ZNF676: variants seen among roughly 807,000 people sequenced by gnomAD.
The protein encoded by ZNF676 is zinc finger protein 676.
A neutral mutation model predicts 6.0 loss-of-function variants in ZNF676; 4 were observed. The ratio of observed to expected loss-of-function variants is 0.67; its 90% CI spans 0.33 to 1.53. The LOEUF is 1.53. ZNF676 is among the 40% of genes most tolerant of loss of function. The pLI, the probability that ZNF676 is intolerant of heterozygous loss-of-function variation, is 0.06. For missense variants in ZNF676, 644 were observed against 679.7 expected, an observed-to-expected ratio of 0.95 and a Z score of 0.58; for synonymous variants, 198 against 223.1, an observed-to-expected ratio of 0.89 and a Z score of 1.00.
At position 22,180,076 on chromosome 19, in the gene ZNF676, G is replaced by A; in HGVS notation, c.1641C>T (p.Ser547=). ...ECGKAFSRSS[S]LTRHKRIHTG... Reference sequence around the variant, plus strand: ...TATGAATTCTCTTGTGTCTAGTAAGGCTTGAGGATCTGCTGAAGGCTTTGC... The same window carrying A: ...TATGAATTCTCTTGTGTCTAGTAAGACTTGAGGATCTGCTGAAGGCTTTGC... The change falls in exon 3 of 3, where the codon AGC becomes AGT. Residue 547 remains serine, a synonymous_variant. Coordinates refer to ENST00000397121, the MANE Select transcript of ZNF676 (RefSeq NM_001001411.3). The A allele has an allele frequency of 6.2e-7, 1 of 1,613,568 alleles. No individual in the cohort carries two copies. The highest frequency in any genetic ancestry group is 8.5e-7 in the Non-Finnish European group (1 of 1,179,772).
At chr19:22,242,007 C>T in the ZNF676 span, among the ~76,000 whole-genome samples, 58 of 151,882 alleles carry the variant, frequency 3.8e-4, no homozygotes, top group Non-Finnish European at 6.3e-4. Context: ...CTCTCTGTAT[C>T]ACCTGAGGGC....
At chr19:22,191,888 G>A (rs2023912194) in intron 2 of ZNF676, among the ~76,000 whole-genome samples, 1 of 152,110 alleles carries the variant, frequency 6.6e-6, no homozygotes, top group Admixed American at 6.6e-5. Context: ...ATTTTAAGAG[G>A]TGTTTACTCC....
upstream of ZNF676, among the ~76,000 whole-genome samples, chr19:22,220,686 A>G (rs556624026): frequency 2.0e-5 from 3 of 151,998 alleles, no homozygotes; most frequent in South Asian, 6.2e-4. Flanking sequence ...CAAACACCTG[A>G]CCTCAAGTGA....
At position 22,180,543 on chromosome 19, in the gene ZNF676, G is replaced by T; in HGVS notation, c.1174C>A (p.Pro392Thr). 1 of 1,612,344 alleles carries T rather than the reference G, an allele frequency of 6.2e-7. No individual in the cohort carries two copies. Among genetic ancestry groups the T allele is most frequent in the Non-Finnish European group, 8.5e-7 (1 of 1,179,744 alleles). ...TTGCCACATTCTTCACATTTGTAGG[G>T]CTTCTCTTCAGCATGAATTGCCTTA... ...THKAIHAEEKPYKCEECGKAS... is the reference protein window; with the variant it reads ...THKAIHAEEKTYKCEECGKAS... The change falls in exon 3 of 3, where the codon CCC becomes ACC. Residue 392 changes from proline to threonine, a missense_variant. Physicochemically the swap from Pro to Thr is conservative, Grantham distance 38 (BLOSUM62 -1). Coordinates refer to ENST00000397121, the MANE Select transcript of ZNF676 (RefSeq NM_001001411.3).
chr19:22,231,809 G>A, the ZNF676 span, among the ~76,000 whole-genome samples: 2 of 151,728 alleles, frequency 1.3e-5, no homozygotes, highest in African/African-American at 4.8e-5. Context: ...CACCATGTTG[G>A]CCATATAGTC....
chr19:22,201,406 T>C (rs960560826), upstream of ZNF676, among the ~76,000 whole-genome samples: 40 of 152,336 alleles, frequency 2.6e-4, no homozygotes, highest in Middle Eastern at 3.4e-3. Context: ...GTTGGTTTTC[T>C]GTAAATTCTC....
upstream of ZNF676, among the ~76,000 whole-genome samples, chr19:22,219,697 C>G (rs58709201): frequency 0.043 from 6,471 of 151,908 alleles, 189 homozygotes; most frequent in Admixed American, 0.075. Flanking sequence ...GCTCTGTCAC[C>G]CAGGCTGGAG....
the ZNF676 span, among the ~76,000 whole-genome samples, chr19:22,220,826 G>T: frequency 2.6e-5 from 4 of 152,044 alleles, no homozygotes; most frequent in Non-Finnish European, 4.4e-5. Context: ...ATTTCTTCCT[G>T]ATTTAATCTA....
the ZNF676 span, among the ~76,000 whole-genome samples, chr19:22,254,565 A>G: frequency 6.6e-6 from 1 of 152,074 alleles, no homozygotes; most frequent in Non-Finnish European, 1.5e-5. Context: ...AAAATCCCCC[A>G]TTTTGTCAGG....
chr19:22,253,399 AATGTGTATATATATATATGATAATG>A, the ZNF676 span, among the ~76,000 whole-genome samples: 5 of 40,896 alleles, frequency 1.2e-4, no homozygotes, highest in African/African-American at 2.9e-4. Context: ...TATATATGAT[AATGTGTATATATATATATGATAATG>A]TATATATATA....
rs183993876 is a variant in ZNF676, at chr19:22,187,725, G to A, written c.130+5291C>T. Among the ~76,000 whole-genome samples, 915 of 151,992 alleles carry A rather than the reference G, an allele frequency of 6.0e-3. 10 individuals carry two copies. Among genetic ancestry groups the A allele is most frequent in the Middle Eastern group, 0.014 (4 of 294 alleles). ...TCCACAGAAATACAAACTACCATGA[G>A]AGAATACTATAAACGTCTCTATGCA... is the stretch of plus-strand genomic sequence containing the variant. On this transcript the variant is annotated intron_variant, in intron 2 of 2. Transcript: ENST00000397121.
chr19:22,195,693 T>G (rs2023959748), intron 1 of ZNF676, among the ~76,000 whole-genome samples: 1 of 152,214 alleles, frequency 6.6e-6, no homozygotes, highest in African/African-American at 2.4e-5. Context: ...TTACAAAACT[T>G]ACAATTGAAA....
upstream of ZNF676, among the ~76,000 whole-genome samples, chr19:22,219,322 C>A (rs1231753062): frequency 6.6e-6 from 1 of 152,040 alleles, no homozygotes; most frequent in African/African-American, 2.4e-5. Context: ...TGGTCTTGAA[C>A]TCCTGACCTC....
chr19:22,244,374 G>T, the ZNF676 span: 1 of 152,206 alleles, frequency 6.6e-6, no homozygotes, highest in Non-Finnish European at 1.5e-5. Context: ...TTCATACAAA[G>T]AGGAGGCCCA....
chr19:22,241,897 C>G, the ZNF676 span, among the ~76,000 whole-genome samples: 3 of 151,784 alleles, frequency 2.0e-5, no homozygotes, highest in African/African-American at 7.3e-5. Context: ...AAGAACTCTC[C>G]AGTACACTGT....
the ZNF676 span, among the ~76,000 whole-genome samples, chr19:22,253,366 G>A: frequency 3.5e-4 from 22 of 63,692 alleles, no homozygotes; most frequent in African/African-American, 1.3e-3. Context: ...GTGTGTGTGT[G>A]TGTGTGTATA....
rs369372237 is a variant in ZNF676, at chr19:22,191,828, T to C, written c.130+1188A>G. Among the ~76,000 whole-genome samples the C allele has an allele frequency of 2.6e-3, 398 of 152,206 alleles. 1 individual carries two copies. The highest frequency in any genetic ancestry group is 8.7e-3 in the African/African-American group (360 of 41,554). ...AAACCCAGAGGGCATTCTATCACCCTGGGGGCCCCAAAAAAGAAGATTTTT... is the reference window on the plus strand; with the variant it reads ...AAACCCAGAGGGCATTCTATCACCCCGGGGGCCCCAAAAAAGAAGATTTTT... On this transcript the variant is annotated intron_variant, in intron 2 of 2. Coordinates refer to ENST00000397121, the MANE Select transcript of ZNF676 (RefSeq NM_001001411.3).
intron 1 of ZNF676, among the ~76,000 whole-genome samples, chr19:22,208,643 TG>T (rs1262435413): frequency 6.6e-6 from 1 of 152,200 alleles, no homozygotes; most frequent in Non-Finnish European, 1.5e-5. Flanking sequence ...AATGGTAGAC[TG>T]GATACAGAAA....
chr19:22,241,128 T>C, the ZNF676 span, among the ~76,000 whole-genome samples: 1 of 151,938 alleles, frequency 6.6e-6, no homozygotes, highest in Admixed American at 6.6e-5. Context: ...GGCCAAGTGA[T>C]ACGTCATAAT....
Sources: gnomAD v4.1 joint callset for allele counts (sites outside exome capture counted in the v4.1 genomes callset) on GRCh38, gnomAD v4.1.1 for gene constraint, MANE v1.5 for transcripts, NCBI Gene and HGNC (gene_info 2026-07-23, HGNC 2026-07-21) for gene names.